Variants in OGFRL1 observed in about 807,000 individuals in gnomAD.
The protein encoded by OGFRL1 is opioid growth factor receptor-like protein 1.
In OGFRL1, 26 loss-of-function variants were observed where a neutral mutation model predicts 32.4. That is an observed-to-expected ratio of 0.80 (90% CI 0.59 to 1.11). OGFRL1 has a LOEUF of 1.11. OGFRL1 is among the 50% of genes most tolerant of loss of function. The pLI is 0.00. For missense variants in OGFRL1, 521 were observed against 546.4 expected (o/e 0.95, Z 0.46); for synonymous variants, 211 against 201.2 (o/e 1.05, Z -0.41).
rs931221258 is a variant in OGFRL1, at chr6:71,288,818, G to A, written c.-119G>A. 2.9e-6 allele frequency: 2 copies of A among 692,566 alleles called. No homozygotes were observed. The highest frequency in any genetic ancestry group is 1.9e-5 in the African/African-American group (1 of 51,342). The allele number at this position is 692,566 out of a possible 1,614,324, so 42.9% of individuals were successfully genotyped here. ...CGCTCGCCGCGCTGAGGCAGTGCGG[G>A]GCGGGCGCGCCTAGGCTGCCGCCCA... is the stretch of plus-strand genomic sequence containing the variant. On this transcript the variant is annotated 5_prime_UTR_variant, in exon 1 of 7. Coordinates refer to ENST00000370435, the MANE Select transcript of OGFRL1 (RefSeq NM_024576.5).
In OGFRL1 at chr6:71,301,413, T is replaced by C. The variant is rs758153695; in HGVS notation, c.720T>C (p.Thr240=). ...NESQHNYLRI[T]RILKSLGELG... is the part of the protein sequence containing the mutation. The stretch of plus-strand genomic sequence containing the variant: ...CCCAGCACAACTATTTAAGAATCAC[T>C]CGTATTCTTAAAAGCCTTGGTGAGC... Residue 240 remains threonine, a synonymous_variant, in exon 7 of 7, where the codon ACT becomes ACC. Transcript: ENST00000370435. The C allele has an allele frequency of 1.9e-6, 3 of 1,596,840 alleles. No individual in the cohort carries two copies. In the South Asian group the frequency reaches 3.4e-5, roughly 18 times the overall value.
rs1766521594 is a variant in OGFRL1, at chr6:71,305,498, G to A, written c.*3449G>A. 6.6e-6 allele frequency: 1 copy of A among 151,930 alleles called. No individual in the cohort carries two copies. Among genetic ancestry groups the A allele is most frequent in the Non-Finnish European group, 1.5e-5 (1 of 67,896 alleles). The allele number at this position is 151,930 out of a possible 1,614,324, so 9.4% of individuals were successfully genotyped here. On this transcript the variant is annotated 3_prime_UTR_variant, in exon 7 of 7. Transcript: ENST00000370435. ...TAGTTGTCAACTCAAAAATTATGTTGCATAGTTTTATTTTGAATTTAGGTT... is the reference window on the plus strand; with the variant it reads ...TAGTTGTCAACTCAAAAATTATGTTACATAGTTTTATTTTGAATTTAGGTT...
In OGFRL1 at chr6:71,293,531, A is replaced by C; in HGVS notation, c.322-2A>C. On this transcript the variant is annotated splice_acceptor_variant, in intron 2 of 6. Transcript: ENST00000370435. LOFTEE classifies it high-confidence loss of function. ...AGATTGATTTATTTTTTCCTTTAGC[A>C]GAACTTCAAAGATATCCGATATCAA... The C allele has an allele frequency of 6.2e-7, 1 of 1,611,026 alleles. No homozygotes were observed. Among genetic ancestry groups the C allele is most frequent in the Non-Finnish European group, 8.5e-7 (1 of 1,178,020 alleles).
At position 71,303,778 on chromosome 6, in the gene OGFRL1, G is replaced by A. The variant is rs1409098747; in HGVS notation, c.*1729G>A. ...TAGTAAGCACTTAATAGGTTACATA[G>A]CACTGGTTAAGAACAATTAATTTTG... On this transcript the variant is annotated 3_prime_UTR_variant, in exon 7 of 7. Coordinates refer to ENST00000370435, the MANE Select transcript of OGFRL1 (RefSeq NM_024576.5). 6.6e-6 allele frequency: 1 copy of A among 152,046 alleles called. No homozygotes were observed. The highest frequency in any genetic ancestry group is 2.4e-5 in the African/African-American group (1 of 41,400). 9.4% of individuals were successfully genotyped at this position (152,046 alleles called of 1,614,324 possible).
chr6:71,296,312 T>A lies in OGFRL1; in HGVS notation c.401-5T>A. ...CTGGTTCATTTTTAAATATTTACTA[T>A]TTAGGTGTTTACATTGAAGAAGTTC... On this transcript the variant is annotated splice_region_variant and splice_polypyrimidine_tract_variant and intron_variant, in intron 3 of 6. Coordinates refer to ENST00000370435, the MANE Select transcript of OGFRL1 (RefSeq NM_024576.5). 3 of 1,559,314 alleles carry A rather than the reference T, an allele frequency of 1.9e-6. No individual in the cohort carries two copies. Among genetic ancestry groups the A allele is most frequent in the Non-Finnish European group, 2.6e-6 (3 of 1,132,760 alleles).
At chr6:71,301,179 T>C (rs1258848772) in intron 6 of OGFRL1, among the ~76,000 whole-genome samples, 1 of 152,248 alleles carries the variant, frequency 6.6e-6, no homozygotes, top group Non-Finnish European at 1.5e-5. Flanking sequence ...CATTTGACTT[T>C]CACATAGATT....
Position 71,289,310 on chromosome 6 carries a change from C to G in OGFRL1, c.234+140C>G, listed in dbSNP as rs913026723. 6 of 1,010,352 alleles carry G rather than the reference C, an allele frequency of 5.9e-6. No homozygotes were observed. In the African/African-American group the frequency reaches 8.7e-5, roughly 15 times the overall value. 62.6% of individuals were successfully genotyped at this position (1,010,352 alleles called of 1,614,324 possible). ...GCTGCGACCCGACCCCTCCGCGCCG[C>G]GGCTGACCTGTCTCCCGGTGGAGCC... On this transcript the variant is annotated intron_variant, in intron 1 of 6. Transcript: ENST00000370435.
chr6:71,294,132 C>T (rs1048453388), intron 3 of OGFRL1, among the ~76,000 whole-genome samples: 1 of 152,220 alleles, frequency 6.6e-6, no homozygotes, highest in African/African-American at 2.4e-5. Context: ...ACTGCAGATA[C>T]AGTAGATCTC....
intron 3 of OGFRL1, among the ~76,000 whole-genome samples, chr6:71,294,465 G>A (rs1766142520): frequency 6.6e-6 from 1 of 152,194 alleles, no homozygotes; most frequent in African/African-American, 2.4e-5. Flanking sequence ...TAGACTGCAA[G>A]GCTTTCAAGT....
intron 1 of OGFRL1, chr6:71,291,386 G>A (rs1287395378): frequency 6.6e-6 from 1 of 152,186 alleles, no homozygotes; most frequent in Non-Finnish European, 1.5e-5. Flanking sequence ...CAAAGTATGG[G>A]CAATTCTTTG....
rs1204278453 is a variant in OGFRL1, at chr6:71,305,493, A to G, written c.*3444A>G. 6.6e-6 allele frequency: 1 copy of G among 152,088 alleles called. No individual in the cohort carries two copies. Among genetic ancestry groups the G allele is most frequent in the African/African-American group, 2.4e-5 (1 of 41,450 alleles). The allele number at this position is 152,088 out of a possible 1,614,324, so 9.4% of individuals were successfully genotyped here. A position where few individuals can be genotyped will look rare whatever the true frequency, so the allele number is the denominator to read the frequency against. ...AAGCCTAGTTGTCAACTCAAAAATT[A>G]TGTTGCATAGTTTTATTTTGAATTT... On this transcript the variant is annotated 3_prime_UTR_variant, in exon 7 of 7. Transcript: ENST00000370435.
intron 1 of OGFRL1, among the ~76,000 whole-genome samples, chr6:71,292,308 C>G (rs74905585): frequency 0.037 from 5,563 of 152,230 alleles, 120 homozygotes; most frequent in South Asian, 0.096. Context: ...TAACTCGGTA[C>G]TTGTAGTAAT....
intron 6 of OGFRL1, 105 bp from the exon 7 acceptor site, chr6:71,301,281 T>A: frequency 1.0e-6 from 1 of 981,504 alleles, no homozygotes; most frequent in Non-Finnish European, 1.5e-6. Context: ...ACAGCATATT[T>A]CCATGGCTTA....
At chr6:71,297,775 GTAAGATGGGTA>G (rs1432122132) in intron 6 of OGFRL1, among the ~76,000 whole-genome samples, 3 of 151,454 alleles carry the variant, frequency 2.0e-5, no homozygotes, top group Non-Finnish European at 4.4e-5. Context: ...CCTTGCTTTG[GTAAGATGGGTA>G]TAAATATATA....
intron 6 of OGFRL1, among the ~76,000 whole-genome samples, chr6:71,298,812 G>C (rs1366169151): frequency 6.6e-6 from 1 of 152,134 alleles, no homozygotes; most frequent in East Asian, 1.9e-4. Context: ...GAAAACGTCT[G>C]TTCTATTTTC....
chr6:71,289,679 A>T (rs913553224), intron 1 of OGFRL1: 1 of 984,814 alleles, frequency 1.0e-6, no homozygotes, highest in Non-Finnish European at 1.2e-6. Context: ...TCTGAAGTTC[A>T]TACGTCACTG....
Position 71,302,062 on chromosome 6 carries a change from C to G in OGFRL1, c.*13C>G. 1 of 1,496,280 alleles carries G rather than the reference C, an allele frequency of 6.7e-7. No individual in the cohort carries two copies. 92.7% of individuals were successfully genotyped at this position (1,496,280 alleles called of 1,614,324 possible). A position where few individuals can be genotyped will look rare whatever the true frequency, so the allele number is the denominator to read the frequency against. ...ACTAGTACAGTGAATTATCAGAAAA[C>G]CCAGAAGCCAGTTTAGGCTAGAGAG... On this transcript the variant is annotated 3_prime_UTR_variant, in exon 7 of 7. Transcript: ENST00000370435.
At chr6:71,291,322 A>C (rs1766045089) in intron 1 of OGFRL1, 1 of 151,892 alleles carries the variant, frequency 6.6e-6, no homozygotes, top group Non-Finnish European at 1.5e-5. Context: ...AGTGCTGAGG[A>C]CAAAAGCCTG....
chr6:71,290,589 A>G (rs553917819), intron 1 of OGFRL1, among the ~76,000 whole-genome samples: 1 of 152,158 alleles, frequency 6.6e-6, no homozygotes, highest in East Asian at 1.9e-4. Context: ...TTCCCTTTTA[A>G]TGATTAATTT....
Sources: allele counts gnomAD v4.1 joint callset (sites outside exome capture counted in the v4.1 genomes callset), GRCh38; gene constraint gnomAD v4.1.1; transcripts MANE v1.5; gene names NCBI Gene and HGNC (gene_info 2026-07-23, HGNC 2026-07-21).